PDE4D: variants seen among roughly 807,000 people sequenced by gnomAD.
The protein encoded by PDE4D is phosphodiesterase 4D.
In PDE4D, 24 loss-of-function variants were observed where a neutral mutation model predicts 87.4. The observed-to-expected ratio is 0.27, with a 90% CI of 0.20 to 0.39. The LOEUF is 0.39. Among genes scored for constraint, PDE4D ranks in the 10% least tolerant of loss-of-function variants. The pLI is 1.00. For synonymous variants in PDE4D, 384 were observed against 383.2 expected, an observed-to-expected ratio of 1.00 and a Z score of -0.02; for missense variants, 714 against 1,041.0, an observed-to-expected ratio of 0.69 and a Z score of 4.32.
intron 1 of PDE4D, among the ~76,000 whole-genome samples, chr5:60,380,269 G>T (rs1761757585): frequency 6.6e-6 from 1 of 152,178 alleles, no homozygotes; most frequent in Admixed American, 6.5e-5. Context: ...TCTGCTTCCA[G>T]CCTCTTTAGA....
intron 1 of PDE4D, among the ~76,000 whole-genome samples, chr5:59,267,028 A>T (rs1426766049): frequency 1.3e-5 from 2 of 152,042 alleles, no homozygotes; most frequent in African/African-American, 4.8e-5. Context: ...GTAGATGCCC[A>T]ATACATTGTA....
intron 1 of PDE4D, among the ~76,000 whole-genome samples, chr5:60,209,187 C>CTTTTT (rs58524375): frequency 4.2e-4 from 45 of 108,414 alleles, no homozygotes; most frequent in Non-Finnish European, 5.2e-4. Context: ...TTCTTTTTTT[C>CTTTTT]TTTTTTTTTT....
chr5:60,432,093 AGGAGAG>A (rs60718677), intron 1 of PDE4D, among the ~76,000 whole-genome samples: 54 of 150,232 alleles, frequency 3.6e-4, no homozygotes, highest in African/African-American at 7.0e-4. Context: ...CGTGGGGAGA[AGGAGAG>A]GGAGAGGGAG....
At chr5:59,890,289 ACACACACC>A (rs1169306447) in intron 1 of PDE4D, among the ~76,000 whole-genome samples, 3 of 125,058 alleles carry the variant, frequency 2.4e-5, no homozygotes, top group Admixed American at 8.5e-5. Context: ...ACACACACAC[ACACACACC>A]TTTTCTTGTT....
chr5:60,187,034 T>A (rs1226004348), intron 1 of PDE4D, among the ~76,000 whole-genome samples: 2 of 152,102 alleles, frequency 1.3e-5, no homozygotes, highest in African/African-American at 4.8e-5. Flanking sequence ...AGAAGTAAGG[T>A]TCACTGTGGC....
At chr5:60,144,505 A>ATC (rs1178453991) in intron 2 of PDE4D, among the ~76,000 whole-genome samples, 1 of 152,198 alleles carries the variant, frequency 6.6e-6, no homozygotes, top group African/African-American at 2.4e-5. Flanking sequence ...CAGTAAGATG[A>ATC]TCTCTAGCTT....
intron 1 of PDE4D, among the ~76,000 whole-genome samples, chr5:59,423,778 G>A (rs555789490): frequency 3.7e-4 from 56 of 151,242 alleles, no homozygotes; most frequent in African/African-American, 1.2e-3. Flanking sequence ...ATGCAGAGAT[G>A]TGGAAGGGAA....
chr5:60,042,194 G>T (rs757678851), intron 2 of PDE4D, among the ~76,000 whole-genome samples: 1 of 152,196 alleles, frequency 6.6e-6, no homozygotes, highest in Non-Finnish European at 1.5e-5. Context: ...CCACCAGGAA[G>T]TTCAAACTGG....
intron 1 of PDE4D, among the ~76,000 whole-genome samples, chr5:59,608,388 T>G (rs1440331754): frequency 6.6e-6 from 1 of 152,176 alleles, no homozygotes; most frequent in Admixed American, 6.6e-5. Context: ...TCTGCTAACA[T>G]TTCAAGTATA....
At chr5:60,283,030 T>G (rs1752090062) in intron 1 of PDE4D, among the ~76,000 whole-genome samples, 1 of 152,150 alleles carries the variant, frequency 6.6e-6, no homozygotes, top group Non-Finnish European at 1.5e-5. Flanking sequence ...ATGCAGTTAT[T>G]TGATTGTTTT....
intron 5 of PDE4D, among the ~76,000 whole-genome samples, chr5:59,097,333 CG>C (rs1302408377): frequency 6.6e-6 from 1 of 152,154 alleles, no homozygotes; most frequent in Non-Finnish European, 1.5e-5. Context: ...GTCTTCCTGA[CG>C]ATAGTTATTG....
intron 1 of PDE4D, among the ~76,000 whole-genome samples, chr5:59,841,733 T>C (rs1743029270): frequency 6.6e-6 from 1 of 151,924 alleles, no homozygotes; most frequent in African/African-American, 2.4e-5. Context: ...AGAGAGAGCA[T>C]CCTCAAAAAT....
chr5:60,520,741 C>T (rs1166161207), intron 1 of PDE4D, among the ~76,000 whole-genome samples: 1 of 152,252 alleles, frequency 6.6e-6, no homozygotes, highest in Non-Finnish European at 1.5e-5. Context: ...AAGACACCTG[C>T]TGGCCCACGG....
intron 5 of PDE4D, among the ~76,000 whole-genome samples, chr5:59,134,616 C>A (rs976306513): frequency 6.6e-6 from 1 of 152,146 alleles, no homozygotes; most frequent in Admixed American, 6.5e-5. Context: ...CTGCAAACAA[C>A]AAAATGCAAT....
chr5:59,574,450 T>C (rs985252161), intron 1 of PDE4D, among the ~76,000 whole-genome samples: 1 of 151,816 alleles, frequency 6.6e-6, no homozygotes, highest in African/African-American at 2.4e-5. Context: ...TAAATCTGGG[T>C]GATTGGAACT....
intron 11 of PDE4D, among the ~76,000 whole-genome samples, chr5:58,982,430 C>T (rs1043035455): frequency 6.6e-6 from 1 of 152,188 alleles, no homozygotes; most frequent in Non-Finnish European, 1.5e-5. Context: ...GAGCCCAGTG[C>T]AGCTCTTCTT....
chr5:59,147,039 G>T (rs1199081259), intron 5 of PDE4D, among the ~76,000 whole-genome samples: 1 of 152,070 alleles, frequency 6.6e-6, no homozygotes, highest in African/African-American at 2.4e-5. Flanking sequence ...AACTGTGCAT[G>T]CGAGGCATCT....
intron 2 of PDE4D, among the ~76,000 whole-genome samples, chr5:59,210,107 G>T (rs2153502629): frequency 6.6e-6 from 1 of 152,270 alleles, no homozygotes; most frequent in East Asian, 1.9e-4. Flanking sequence ...TGTGGTTAAT[G>T]GAAGAAAGCT....
intron 5 of PDE4D, among the ~76,000 whole-genome samples, chr5:59,095,097 T>G (rs1769453061): frequency 6.6e-6 from 1 of 152,114 alleles, no homozygotes; most frequent in Non-Finnish European, 1.5e-5. Flanking sequence ...ATACTCATTC[T>G]GAAGTCAGTT....
Sources: gnomAD v4.1 joint callset for allele counts (sites outside exome capture counted in the v4.1 genomes callset) on GRCh38, gnomAD v4.1.1 for gene constraint, MANE v1.5 for transcripts, NCBI Gene and HGNC (gene_info 2026-07-23, HGNC 2026-07-21) for gene names.